Variants in DPP10 observed in about 807,000 individuals in gnomAD.
DPP10 encodes dipeptidyl peptidase like 10, also known as inactive dipeptidyl peptidase 10.
In DPP10, 33 loss-of-function variants were observed where a neutral mutation model predicts 120.9. The observed-to-expected ratio is 0.27, with a 90% CI of 0.21 to 0.37. The LOEUF is 0.37. Among genes scored for constraint, DPP10 ranks in the 10% least tolerant of loss-of-function variants. The probability of loss-of-function intolerance (pLI) is 1.00; values close to 1 mark genes in which losing one functional copy is unlikely to be tolerated. For synonymous variants in DPP10, 337 were observed against 326.1 expected (o/e 1.03, Z -0.36); for missense variants, 816 against 942.8 (o/e 0.87, Z 1.76).
intron 1 of DPP10, among the ~76,000 whole-genome samples, chr2:114,893,679 G>T (rs1317201816): frequency 6.6e-6 from 1 of 152,164 alleles, no homozygotes; most frequent in Non-Finnish European, 1.5e-5. Context: ...TTACTTCATA[G>T]AAATAACCAT....
In DPP10 at chr2:115,261,375, G is replaced by A. The variant is rs533156972; in HGVS notation, c.61-47864G>A. Among the ~76,000 whole-genome samples, 16 of 152,298 alleles carry A rather than the reference G, an allele frequency of 1.1e-4. No individual in the cohort carries two copies. The South Asian group carries it at 3.3e-3, about 32-fold the overall frequency. ...GATTCCTAGTGCACAATCAGTGAAT[G>A]TTGTATGGAACGCATGGTGAAGAAA... On this transcript the variant is annotated intron_variant, in intron 1 of 25. Coordinates refer to ENST00000410059, the MANE Select transcript of DPP10 (RefSeq NM_020868.6).
chr2:115,600,450 T>C (rs2083254733), intron 5 of DPP10, among the ~76,000 whole-genome samples: 1 of 152,218 alleles, frequency 6.6e-6, no homozygotes, highest in African/African-American at 2.4e-5. Context: ...CAATAAAAGT[T>C]TTTCTTAAAA....
chr2:115,209,235 T>G (rs2056353387), intron 1 of DPP10, among the ~76,000 whole-genome samples: 3 of 152,142 alleles, frequency 2.0e-5, no homozygotes, highest in Admixed American at 2.0e-4. Context: ...TAAAACCTAC[T>G]AAAACATATT....
intron 1 of DPP10, among the ~76,000 whole-genome samples, chr2:114,818,924 A>T (rs897832198): frequency 5.3e-5 from 8 of 152,202 alleles, no homozygotes; most frequent in Admixed American, 4.6e-4. Context: ...TCAAGCAACT[A>T]TATGTTGAAC....
intron 3 of DPP10, chr2:115,468,136 C>A: frequency 2.0e-6 from 1 of 492,376 alleles, no homozygotes. Context: ...ACTTAGGTGG[C>A]ACCAACCTTG....
At position 115,105,717 on chromosome 2, in the gene DPP10, C is replaced by T. The variant is rs553156466; in HGVS notation, c.61-203522C>T. On this transcript the variant is annotated intron_variant, in intron 1 of 25. Coordinates refer to ENST00000410059, the MANE Select transcript of DPP10 (RefSeq NM_020868.6). Reference sequence around the variant, plus strand: ...ATAGTTAGAGATAATTAACTAGGCTCCAAGTCTATTAAGTTAATATAAATC... The same window carrying T: ...ATAGTTAGAGATAATTAACTAGGCTTCAAGTCTATTAAGTTAATATAAATC... Among the ~76,000 whole-genome samples, 6 of 152,194 alleles carry T rather than the reference C, an allele frequency of 3.9e-5. No individual in the cohort carries two copies. The South Asian group carries it at 1.0e-3, about 26-fold the overall frequency.
intron 3 of DPP10, among the ~76,000 whole-genome samples, chr2:115,463,930 CAT>C (rs2074145857): frequency 6.6e-6 from 1 of 152,106 alleles, no homozygotes; most frequent in African/African-American, 2.4e-5. Flanking sequence ...CTCTGTTGGT[CAT>C]AATGGCTGAG....
chr2:115,808,363 G>C, intron 19 of DPP10, among the ~76,000 whole-genome samples: 1 of 152,166 alleles, frequency 6.6e-6, no homozygotes, highest in Non-Finnish European at 1.5e-5. Flanking sequence ...GAGAGTGCAG[G>C]AATTATTGAT....
At chr2:115,461,960 G>T (rs1005800888) in intron 3 of DPP10, among the ~76,000 whole-genome samples, 2 of 151,990 alleles carry the variant, frequency 1.3e-5, no homozygotes, top group African/African-American at 4.8e-5. Flanking sequence ...TGGACCTTTG[G>T]AATGTCTTTT....
chr2:114,660,590 A>T (rs113032126), intron 1 of DPP10, among the ~76,000 whole-genome samples: 1 of 152,210 alleles, frequency 6.6e-6, no homozygotes, highest in Non-Finnish European at 1.5e-5. Context: ...TTTGAAACTC[A>T]TTAGAAAGTG....
chr2:115,675,264 C>T (rs1482577500), intron 5 of DPP10, among the ~76,000 whole-genome samples: 1 of 152,080 alleles, frequency 6.6e-6, no homozygotes, highest in Non-Finnish European at 1.5e-5. Context: ...AGTTATAATG[C>T]AGACTTTGAC....
intron 17 of DPP10, among the ~76,000 whole-genome samples, chr2:115,788,549 A>T (rs116041965): frequency 0.014 from 2,077 of 152,322 alleles, 50 homozygotes; most frequent in African/African-American, 0.046. Flanking sequence ...CATTAATAAA[A>T]GAGATGATGT....
intron 1 of DPP10, among the ~76,000 whole-genome samples, chr2:114,801,262 CAAAA>C (rs1174819592): frequency 0.11 from 6,359 of 59,586 alleles, 132 homozygotes; most frequent in South Asian, 0.23. Flanking sequence ...GACTCTGTAT[CAAAA>C]AAAAAAAAAA....
chr2:115,232,415 A>G (rs752388690), intron 1 of DPP10, among the ~76,000 whole-genome samples: 1 of 152,166 alleles, frequency 6.6e-6, no homozygotes, highest in Admixed American at 6.5e-5. Flanking sequence ...GGATGATAAT[A>G]TGATAGGCTG....
chr2:115,779,258 T>G (rs953308995), intron 15 of DPP10, among the ~76,000 whole-genome samples: 4 of 152,126 alleles, frequency 2.6e-5, no homozygotes, highest in Admixed American at 2.6e-4. Flanking sequence ...ATCTCTGACA[T>G]GTACTAGTGT....
chr2:115,678,407 G>T (rs998009532), intron 5 of DPP10, among the ~76,000 whole-genome samples: 1 of 152,240 alleles, frequency 6.6e-6, no homozygotes, highest in African/African-American at 2.4e-5. Context: ...TCTGGCCATT[G>T]CTTCAGGTGC....
At chr2:114,469,417 C>T (rs10202694) in intron 1 of DPP10, among the ~76,000 whole-genome samples, 18,706 of 152,144 alleles carry the variant, frequency 0.12, 2,691 homozygotes, top group African/African-American at 0.35. Context: ...GAATGAAAGA[C>T]AGAAGTTTTT....
chr2:115,800,872 G>T lies in DPP10; in HGVS notation c.1700+9516G>T, dbSNP rs1203105354. Among the ~76,000 whole-genome samples, 15 of 152,082 alleles carry T rather than the reference G, an allele frequency of 9.9e-5. No individual in the cohort carries two copies. In the East Asian group the frequency reaches 1.9e-3, roughly 20 times the overall value. On this transcript the variant is annotated intron_variant, in intron 19 of 25. Transcript: ENST00000410059. ...ATAGTTTGAAGTCAGGTAGCGTGATGCCTCCAGCTTTGTTCTTTTGGCTTA... is the reference window on the plus strand; with the variant it reads ...ATAGTTTGAAGTCAGGTAGCGTGATTCCTCCAGCTTTGTTCTTTTGGCTTA...
At chr2:114,592,160 T>A (rs983757942) in intron 1 of DPP10, among the ~76,000 whole-genome samples, 4 of 152,302 alleles carry the variant, frequency 2.6e-5, no homozygotes, top group South Asian at 2.1e-4. Context: ...CTTTGCTTTC[T>A]TTCTACAAGA....
Sources: gnomAD v4.1 joint callset for allele counts (sites outside exome capture counted in the v4.1 genomes callset) on GRCh38, gnomAD v4.1.1 for gene constraint, MANE v1.5 for transcripts, NCBI Gene and HGNC (gene_info 2026-07-23, HGNC 2026-07-21) for gene names.